Variants in VMA21 observed in about 807,000 individuals in gnomAD.
The protein encoded by VMA21 is vacuolar ATPase assembly integral membrane protein VMA21.
For missense variants in VMA21, 61 were observed against 80.6 expected, an observed-to-expected ratio of 0.76 and a Z score of 0.93; for synonymous variants, 47 against 34.1, an observed-to-expected ratio of 1.38 and a Z score of -1.32.
chrX:151,401,652 A>G (rs2011237795), intron 1 of VMA21, among the ~76,000 whole-genome samples: 1 of 112,336 alleles, frequency 8.9e-6, no homozygotes, highest in South Asian at 3.7e-4. Flanking sequence ...AACACAGGAT[A>G]TCTTTACATT....
At chrX:151,397,510 C>T in intron 1 of VMA21, 149 bp downstream of exon 1, 1 of 659,051 alleles carries the variant, frequency 1.5e-6, no homozygotes, top group Non-Finnish European at 2.2e-6. Context: ...CAGGTTGGAG[C>T]CTGAGACGTC....
At chrX:151,397,094 AGCCCTGCGTCGCTGCGGCGCGCC>A (rs1176386585), upstream of VMA21, 1 of 366,229 alleles carries the variant, frequency 2.7e-6, no homozygotes. Context: ...CGCCGGCAAC[AGCCCTGCGTCGCTGCGGCGCGCC>A]GCGCCGCGCC....
intron 2 of VMA21, among the ~76,000 whole-genome samples, chrX:151,404,561 G>GGCGCCTGCCACT (rs1285883806): frequency 9.0e-6 from 1 of 110,678 alleles, no homozygotes; most frequent in Non-Finnish European, 1.9e-5. Context: ...TGGGACTACA[G>GGCGCCTGCCACT]GCGCCTGCCA....
chrX:151,396,983 G>C (rs2011194402), upstream of VMA21: 1 of 522,464 alleles, frequency 1.9e-6, no homozygotes, highest in Non-Finnish European at 3.5e-6. Context: ...ACGTGGAGTG[G>C]CTGGGCTACT....
intron 1 of VMA21, among the ~76,000 whole-genome samples, chrX:151,400,222 C>G (rs2011227159): frequency 9.5e-6 from 1 of 104,798 alleles, no homozygotes; most frequent in African/African-American, 3.5e-5. Context: ...GCCATGGTAA[C>G]TACTGTTTTA....
chrX:151,397,223 C>T lies in VMA21; in HGVS notation c.-86C>T. ...GAACCGCTACTTCCGGTGCGAACCG[C>T]CTCGGCCGTTCCCTCGCGGAGCTTA... is the stretch of plus-strand genomic sequence containing the variant. On this transcript the variant is annotated 5_prime_UTR_variant, in exon 1 of 3. Coordinates refer to ENST00000330374, the MANE Select transcript of VMA21 (RefSeq NM_001017980.4). 9.4e-7 allele frequency: 1 copy of T among 1,065,601 alleles called. No individual in the cohort carries two copies. Among genetic ancestry groups the T allele is most frequent in the Non-Finnish European group, 1.2e-6 (1 of 800,373 alleles). The allele number at this position is 1,065,601 out of a possible 1,213,427, so 87.8% of individuals were successfully genotyped here. A position where few individuals can be genotyped will look rare whatever the true frequency, so the allele number is the denominator to read the frequency against.
At chrX:151,404,481 C>T (rs750272116) in intron 2 of VMA21, among the ~76,000 whole-genome samples, 21 of 112,354 alleles carry the variant, frequency 1.9e-4, no homozygotes, top group South Asian at 1.1e-3. Context: ...TGCAGTGGTG[C>T]GATCTCGGCT....
At chrX:151,401,500 G>A (rs1286829254) in intron 1 of VMA21, among the ~76,000 whole-genome samples, 1 of 111,856 alleles carries the variant, frequency 8.9e-6, no homozygotes, top group Non-Finnish European at 1.9e-5. Context: ...GGGGCTTTTT[G>A]TGGTTCTGTA....
At chrX:151,404,036 C>T (rs186941709) in intron 2 of VMA21, among the ~76,000 whole-genome samples, 9 of 108,323 alleles carry the variant, frequency 8.3e-5, no homozygotes, top group Non-Finnish European at 1.3e-4. Flanking sequence ...TGTCAGATAA[C>T]GGAAGGAAGA....
rs1459375869 is a variant in VMA21, at chrX:151,406,986, A to G, written c.*1928A>G. On this transcript the variant is annotated 3_prime_UTR_variant, in exon 3 of 3. Transcript: ENST00000330374. ...TTTTAGTATAATGACATTTGAGTCT[A>G]GGGTAGTATGTGGTAGATTTCTAGA... 1 of 112,511 alleles carries G rather than the reference A, an allele frequency of 8.9e-6. No homozygotes were observed. Among genetic ancestry groups the G allele is most frequent in the African/African-American group, 3.2e-5 (1 of 30,964 alleles). The allele number at this position is 112,511 out of a possible 1,213,427, so 9.3% of individuals were successfully genotyped here.
In VMA21 at chrX:151,408,944, A is replaced by G. The variant is rs1317913086; in HGVS notation, c.*3886A>G. 8.9e-6 allele frequency: 1 copy of G among 112,808 alleles called. No homozygotes were observed. Among genetic ancestry groups the G allele is most frequent in the Non-Finnish European group, 1.9e-5 (1 of 53,320 alleles). The allele number at this position is 112,808 out of a possible 1,213,427, so 9.3% of individuals were successfully genotyped here. A position where few individuals can be genotyped will look rare whatever the true frequency, so the allele number is the denominator to read the frequency against. ...AGTAGTCTTCCTTTTCCCCACGTTCAGTGTAATCTCACTGAACAGTAATAA... is the reference window on the plus strand; with the variant it reads ...AGTAGTCTTCCTTTTCCCCACGTTCGGTGTAATCTCACTGAACAGTAATAA... On this transcript the variant is annotated 3_prime_UTR_variant, in exon 3 of 3. Transcript: ENST00000330374.
At chrX:151,403,775 C>A (rs770341850) in intron 2 of VMA21, 35 bp downstream of exon 2, 2 of 1,053,095 alleles carry the variant, frequency 1.9e-6, no homozygotes, top group East Asian at 6.0e-5. Context: ...GATGTTTTCC[C>A]CCAATTTAAG....
In VMA21 at chrX:151,405,641, G is replaced by T. The variant is rs1210862250; in HGVS notation, c.*583G>T. 1 of 112,238 alleles carries T rather than the reference G, an allele frequency of 8.9e-6. No homozygotes were observed. Among genetic ancestry groups the T allele is most frequent in the East Asian group, 2.8e-4 (1 of 3,586 alleles). 9.2% of individuals were successfully genotyped at this position (112,238 alleles called of 1,213,427 possible). On this transcript the variant is annotated 3_prime_UTR_variant, in exon 3 of 3. Transcript: ENST00000330374. ...AACTAGGCTAAATTACATCCATTCA[G>T]GTAAAAGGACCTTAGCTTACTGAAG... is the stretch of plus-strand genomic sequence containing the variant.
chrX:151,396,852 C>T, upstream of VMA21: 2 of 523,472 alleles, frequency 3.8e-6, no homozygotes, highest in Middle Eastern at 6.3e-4. Context: ...GCTCGGGTCT[C>T]CTTGCGGCCC....
intron 1 of VMA21, among the ~76,000 whole-genome samples, chrX:151,402,401 C>T (rs184734694): frequency 1.2e-3 from 130 of 111,274 alleles, no homozygotes; most frequent in Non-Finnish European, 2.1e-3. Flanking sequence ...AGGCTGATCT[C>T]GAACTCCTGG....
At chrX:151,397,111 G>GCGCGCCGCGCCGCGC (rs1158989505), upstream of VMA21, 550 of 341,525 alleles carry the variant, frequency 1.6e-3, 2 homozygotes, top group African/African-American at 0.014. Context: ...CGTCGCTGCG[G>GCGCGCCGCGCCGCGC]CGCGCCGCGC....
chrX:151,404,140 C>T (rs1172287718), intron 2 of VMA21, among the ~76,000 whole-genome samples: 3 of 107,648 alleles, frequency 2.8e-5, no homozygotes. Flanking sequence ...ATGGCGCGAT[C>T]TCGGCTCACC....
upstream of VMA21, chrX:151,396,987 G>C (rs1350361307): frequency 1.5e-4 from 79 of 519,902 alleles, 1 homozygote; most frequent in Admixed American, 2.0e-3. Context: ...GGAGTGGCTG[G>C]GCTACTCGCC....
chrX:151,404,778 T>C, intron 2 of VMA21, 138 bp from the exon 3 acceptor site: 3 of 710,732 alleles, frequency 4.2e-6, no homozygotes, highest in Non-Finnish European at 6.3e-6. Context: ...ACTTTATTCA[T>C]TACCACCCAA....
Sources: gnomAD v4.1 joint callset for allele counts (sites outside exome capture counted in the v4.1 genomes callset) on GRCh38, gnomAD v4.1.1 for gene constraint, MANE v1.5 for transcripts, NCBI Gene and HGNC (gene_info 2026-07-23, HGNC 2026-07-21) for gene names.